The following ATF7 variants were observed in gnomAD, a reference collection of about 807,000 sequenced individuals.
The protein encoded by ATF7 is cyclic AMP-dependent transcription factor ATF-7.
A neutral mutation model predicts 50.4 loss-of-function variants in ATF7; 10 were observed. That is an observed-to-expected ratio of 0.20 (90% CI 0.12 to 0.34). ATF7 has a LOEUF of 0.34. Among genes scored for constraint, ATF7 ranks in the 10% least tolerant of loss-of-function variants. The pLI is 1.00. For synonymous variants in ATF7, 201 were observed against 226.4 expected, an observed-to-expected ratio of 0.89 and a Z score of 1.01; for missense variants, 465 against 613.9, an observed-to-expected ratio of 0.76 and a Z score of 2.56.
intron 4 of ATF7, chr12:53,542,911 T>C: frequency 9.7e-7 from 1 of 1,026,182 alleles, no homozygotes; most frequent in Non-Finnish European, 1.2e-6. Context: ...TAAATGTTTA[T>C]TGACTTGCTG....
At chr12:53,625,581 A>G (rs1378583311) in intron 1 of ATF7, among the ~76,000 whole-genome samples, 3 of 152,118 alleles carry the variant, frequency 2.0e-5, no homozygotes, top group African/African-American at 7.2e-5. Flanking sequence ...CTCCAAATCC[A>G]TACTTTCTCT....
At chr12:53,586,399 T>C (rs1942680937) in intron 2 of ATF7, among the ~76,000 whole-genome samples, 1 of 137,016 alleles carries the variant, frequency 7.3e-6, no homozygotes, top group Non-Finnish European at 1.6e-5. Flanking sequence ...TGTGCATAGA[T>C]TGCCACCATG....
intron 6 of ATF7, among the ~76,000 whole-genome samples, chr12:53,533,915 T>C (rs1939055929): frequency 6.6e-6 from 1 of 152,244 alleles, no homozygotes; most frequent in South Asian, 2.1e-4. Flanking sequence ...GTTTCCACAC[T>C]GTAATGAACT....
At chr12:53,574,228 T>C (rs1252029077) in intron 2 of ATF7, among the ~76,000 whole-genome samples, 2 of 151,790 alleles carry the variant, frequency 1.3e-5, no homozygotes. Context: ...GAGATGAAAA[T>C]TCTAAGAAAG....
At chr12:53,609,821 C>CTTTTTTT (rs757421100) in intron 1 of ATF7, among the ~76,000 whole-genome samples, 5 of 115,958 alleles carry the variant, frequency 4.3e-5, no homozygotes, top group South Asian at 2.8e-4. Context: ...AAATGTTATG[C>CTTTTTTT]TTTTTTTTTT....
chr12:53,510,709 G>A (rs1217108330), downstream of ATF7, among the ~76,000 whole-genome samples: 1 of 152,170 alleles, frequency 6.6e-6, no homozygotes, highest in African/African-American at 2.4e-5. Flanking sequence ...TCAATTACAA[G>A]TGGCTCTGGG....
chr12:53,509,367 G>A (rs1441328154), downstream of ATF7, among the ~76,000 whole-genome samples: 4 of 152,096 alleles, frequency 2.6e-5, no homozygotes, highest in Admixed American at 6.5e-5. Context: ...TCCTTGTGCC[G>A]AGGGGGCTTT....
At chr12:53,574,531 T>C (rs2137648600) in intron 2 of ATF7, 1 of 152,916 alleles carries the variant, frequency 6.5e-6, no homozygotes, top group South Asian at 2.1e-4. Flanking sequence ...TCTTTTCCAG[T>C]CAACACTTCC....
At chr12:53,585,169 T>A (rs1311520715) in intron 2 of ATF7, among the ~76,000 whole-genome samples, 1 of 151,808 alleles carries the variant, frequency 6.6e-6, no homozygotes, top group African/African-American at 2.4e-5. Context: ...AAGGATGGGG[T>A]CTCACTATGT....
chr12:53,599,732 A>G (rs1053005335), intron 2 of ATF7, among the ~76,000 whole-genome samples: 2 of 152,188 alleles, frequency 1.3e-5, no homozygotes, highest in Non-Finnish European at 2.9e-5. Flanking sequence ...GATATTTACA[A>G]TGTTTAATAT....
chr12:53,591,867 C>T (rs560286358), intron 2 of ATF7, among the ~76,000 whole-genome samples: 1 of 152,280 alleles, frequency 6.6e-6, no homozygotes, highest in East Asian at 1.9e-4. Context: ...ACTCAAAGGA[C>T]ACAGCAAGGC....
intron 3 of ATF7, chr12:53,543,840 T>G: frequency 5.7e-6 from 1 of 175,742 alleles, no homozygotes; most frequent in Non-Finnish European, 1.2e-5. Context: ...GTAAATTTAC[T>G]CCCTGCTAGG....
intron 2 of ATF7, among the ~76,000 whole-genome samples, chr12:53,581,780 G>T (rs1468868663): frequency 6.6e-6 from 1 of 151,474 alleles, no homozygotes; most frequent in African/African-American, 2.4e-5. Flanking sequence ...AAAACTAGGG[G>T]GAAAAAGAGC....
At position 53,513,487 on chromosome 12, in the gene ATF7, AC is replaced by A. The variant is rs983273146; in HGVS notation, c.*3649del. ...CTTTCCTGTTCTTCCAGACACCCCC[AC>A]CCCCGTCAAACATTAAGTCTAAAGA... On this transcript the variant is annotated 3_prime_UTR_variant, in exon 12 of 12. Coordinates refer to ENST00000420353, the MANE Select transcript of ATF7 (RefSeq NM_006856.3). The A allele has an allele frequency of 2.0e-5, 3 of 151,866 alleles. No homozygotes were observed. Among genetic ancestry groups the A allele is most frequent in the African/African-American group, 7.2e-5 (3 of 41,402 alleles). The allele number at this position is 151,866 out of a possible 1,614,324, so 9.4% of individuals were successfully genotyped here.
chr12:53,619,769 G>A lies in ATF7; in HGVS notation c.-22+6510C>T, dbSNP rs542602102. On this transcript the variant is annotated intron_variant, in intron 1 of 11. Transcript: ENST00000420353. ...AGAGACTGCAGTGAGCCAAGATGGCGCCATTGCACTCCAGCCTGGGAGACA... is the reference window on the plus strand; with the variant it reads ...AGAGACTGCAGTGAGCCAAGATGGCACCATTGCACTCCAGCCTGGGAGACA... Among the ~76,000 whole-genome samples the A allele has an allele frequency of 6.3e-4, 95 of 151,432 alleles. 1 individual carries two copies. Among genetic ancestry groups the A allele is most frequent in the Non-Finnish European group, 1.2e-3 (81 of 67,858 alleles).
intron 9 of ATF7, among the ~76,000 whole-genome samples, chr12:53,531,422 C>CAA (rs541415026): frequency 6.0e-4 from 37 of 61,786 alleles, no homozygotes; most frequent in African/African-American, 1.9e-3. Flanking sequence ...AACTCCATCT[C>CAA]AAAAAAAAAA....
intron 3 of ATF7, among the ~76,000 whole-genome samples, chr12:53,546,216 CAAACAAAA>C (rs1297528788): frequency 6.6e-6 from 1 of 151,548 alleles, no homozygotes; most frequent in Non-Finnish European, 1.5e-5. Flanking sequence ...AACAAACAAA[CAAACAAAA>C]AACAACCAAC....
At chr12:53,609,954 C>CTA (rs1179180672) in intron 1 of ATF7, among the ~76,000 whole-genome samples, 1 of 150,576 alleles carries the variant, frequency 6.6e-6, no homozygotes, top group African/African-American at 2.4e-5. Context: ...GTAGCTGGGA[C>CTA]TATAGGCACG....
Position 53,535,328 on chromosome 12 carries a change from CAAA to C in ATF7, c.403-672_403-670del, listed in dbSNP as rs397938442. On this transcript the variant is annotated intron_variant, in intron 5 of 11. Coordinates refer to ENST00000420353, the MANE Select transcript of ATF7 (RefSeq NM_006856.3). ...CTGGCGACAGAGCGAGACTCTGCCT[CAAA>C]AAAAAAAAAAAAAAGAAAAGGGAGG... 1.2e-4 allele frequency among the ~76,000 whole-genome samples: 8 copies of C among 64,922 alleles called. No individual in the cohort carries two copies. The East Asian group carries it at 1.4e-3, about 12-fold the overall frequency. The allele number at this position is 64,922 out of a possible 152,430, so 42.6% of individuals were successfully genotyped here.
Sources: gnomAD v4.1 joint callset for allele counts (sites outside exome capture counted in the v4.1 genomes callset) on GRCh38, gnomAD v4.1.1 for gene constraint, MANE v1.5 for transcripts, NCBI Gene and HGNC (gene_info 2026-07-23, HGNC 2026-07-21) for gene names.